GUCY1A1: variants seen among roughly 807,000 people sequenced by gnomAD.
The protein encoded by GUCY1A1 is guanylate cyclase 1 soluble subunit alpha 1.
In GUCY1A1, 48 loss-of-function variants were observed where a neutral mutation model predicts 64.5. That is an observed-to-expected ratio of 0.74 (90% CI 0.59 to 0.95). GUCY1A1 has a LOEUF of 0.95. Ranked by LOEUF, GUCY1A1 falls within the 40% of genes least tolerant of loss-of-function variation. The pLI, the probability that GUCY1A1 is intolerant of heterozygous loss-of-function variation, is 0.00. For missense variants in GUCY1A1, 804 were observed against 825.3 expected (o/e 0.97, Z 0.32); for synonymous variants, 308 against 303.4 (o/e 1.02, Z -0.16).
chr4:155,670,067 T>A (rs893569388), intron 2 of GUCY1A1, among the ~76,000 whole-genome samples: 1 of 152,024 alleles, frequency 6.6e-6, no homozygotes, highest in African/African-American at 2.4e-5. Flanking sequence ...ATGGGAAAAA[T>A]TTTTGGAGGA....
At chr4:155,686,273 C>T (rs1045378454) in intron 2 of GUCY1A1, among the ~76,000 whole-genome samples, 3 of 152,020 alleles carry the variant, frequency 2.0e-5, no homozygotes, top group African/African-American at 7.3e-5. Flanking sequence ...TTCAGGAGTT[C>T]GTGACCAGCC....
intron 2 of GUCY1A1, among the ~76,000 whole-genome samples, chr4:155,682,037 A>G (rs1288403821): frequency 1.3e-5 from 2 of 152,116 alleles, no homozygotes; most frequent in Non-Finnish European, 1.5e-5. Flanking sequence ...GAGTCATTCT[A>G]TTCCTCAGAT....
rs904536083 is a variant in GUCY1A1 at position 155,731,519 on chromosome 4, T to G, written c.*1288T>G. Reference sequence around the variant, plus strand: ...TTCCGGAACTTCAACTTTTTCTTTTTGTTTTACATAAACATTTAAGCAGCT... The same window carrying G: ...TTCCGGAACTTCAACTTTTTCTTTTGGTTTTACATAAACATTTAAGCAGCT... On this transcript the variant is annotated 3_prime_UTR_variant, in exon 10 of 10. Transcript: ENST00000506455. The G allele has an allele frequency of 6.6e-5, 10 of 152,018 alleles. No individual in the cohort carries two copies. In the South Asian group the frequency reaches 2.1e-3, roughly 31 times the overall value. The allele number at this position is 152,018 out of a possible 1,614,324, so 9.4% of individuals were successfully genotyped here.
rs945708671 is a variant in GUCY1A1, at chr4:155,733,665, A to G, written c.*3434A>G. Among the ~76,000 whole-genome samples, 1 of 151,448 alleles carries G rather than the reference A, an allele frequency of 6.6e-6. No individual in the cohort carries two copies. Among genetic ancestry groups the G allele is most frequent in the Non-Finnish European group, 1.5e-5 (1 of 67,796 alleles). ...CACTTGTTCAAAATAGATTTTACAAAAGAAAAAAAAAAAAGAAGCAACATG... is the reference window on the plus strand; with the variant it reads ...CACTTGTTCAAAATAGATTTTACAAGAGAAAAAAAAAAAAGAAGCAACATG... On this transcript the variant is annotated 3_prime_UTR_variant, in exon 10 of 10. Transcript: ENST00000506455.
Position 155,731,991 on chromosome 4 carries a change from GT to G in GUCY1A1, c.*1762del, listed in dbSNP as rs2110813915. 6.8e-6 allele frequency: 1 copy of G among 146,470 alleles called. No homozygotes were observed. The highest frequency in any genetic ancestry group is 2.6e-5 in the African/African-American group (1 of 38,354). 9.1% of individuals were successfully genotyped at this position (146,470 alleles called of 1,614,324 possible). ...AGTTACATCCTCACAAATATATGAAGTTAAGTCACTACTTACAAGGAAAAAA... is the reference window on the plus strand; with the variant it reads ...AGTTACATCCTCACAAATATATGAAGTAAGTCACTACTTACAAGGAAAAAA... On this transcript the variant is annotated 3_prime_UTR_variant, in exon 10 of 10. Coordinates refer to ENST00000506455, the MANE Select transcript of GUCY1A1 (RefSeq NM_001130682.3).
At chr4:155,668,694 G>C (rs1279914326) in intron 2 of GUCY1A1, among the ~76,000 whole-genome samples, 1 of 152,066 alleles carries the variant, frequency 6.6e-6, no homozygotes, top group Admixed American at 6.6e-5. Context: ...TTCTTTAAGA[G>C]TGATCATTTC....
At chr4:155,718,303 C>G (rs1245945040) in intron 8 of GUCY1A1, among the ~76,000 whole-genome samples, 1 of 152,020 alleles carries the variant, frequency 6.6e-6, no homozygotes, top group Non-Finnish European at 1.5e-5. Flanking sequence ...GGAGATTTAC[C>G]CTTAACTCTC....
intron 4 of GUCY1A1, among the ~76,000 whole-genome samples, chr4:155,705,407 G>A (rs1178391157): frequency 1.3e-5 from 2 of 151,960 alleles, no homozygotes; most frequent in African/African-American, 4.8e-5. Flanking sequence ...AAATTAGCCA[G>A]GCATGGTGGC....
intron 9 of GUCY1A1, among the ~76,000 whole-genome samples, chr4:155,727,264 T>A (rs1214074029): frequency 6.6e-6 from 1 of 151,922 alleles, no homozygotes; most frequent in African/African-American, 2.4e-5. Context: ...CTAAATGGTT[T>A]TTCTTATATA....
chr4:155,718,573 A>G (rs1733560860), intron 8 of GUCY1A1, among the ~76,000 whole-genome samples: 2 of 152,194 alleles, frequency 1.3e-5, no homozygotes, highest in Non-Finnish European at 2.9e-5. Context: ...CTGGGATTGC[A>G]ACGATTGAAG....
At chr4:155,699,120 G>A (rs544710775) in intron 3 of GUCY1A1, among the ~76,000 whole-genome samples, 40 of 151,480 alleles carry the variant, frequency 2.6e-4, no homozygotes, top group African/African-American at 3.9e-4. Flanking sequence ...CTGATTTTTC[G>A]TGTCCCTTGT....
chr4:155,713,364 A>T lies in GUCY1A1; in HGVS notation c.1353A>T (p.Val451=), dbSNP rs745871748. ...TGGAGGAGGAGAAGAAAAAGACAGT[A>T]GACCTTCTGTGCTCCATATTTCCCT... The part of the protein sequence containing the change: ...QALEEEKKKT[V]DLLCSIFPCE... The change falls in exon 7 of 10, where the codon GTA becomes GTT. Residue 451 remains valine, a synonymous_variant. Coordinates refer to ENST00000506455, the MANE Select transcript of GUCY1A1 (RefSeq NM_001130682.3). 1.4e-5 allele frequency: 23 copies of T among 1,614,070 alleles called. No individual in the cohort carries two copies. Among genetic ancestry groups the T allele is most frequent in the Non-Finnish European group, 1.9e-5 (23 of 1,180,042 alleles).
In GUCY1A1 at chr4:155,730,026, T is replaced by G; in HGVS notation, c.1872-4T>G. ...ATGTCAGTATTATATTTTAATATTT[T>G]CAGATTACTCAAAGACTGTCCTGGT... On this transcript the variant is annotated splice_polypyrimidine_tract_variant and splice_region_variant and intron_variant, in intron 9 of 9. Coordinates refer to ENST00000506455, the MANE Select transcript of GUCY1A1 (RefSeq NM_001130682.3). 6.4e-7 allele frequency: 1 copy of G among 1,566,216 alleles called. No homozygotes were observed. The highest frequency in any genetic ancestry group is 8.8e-7 in the Non-Finnish European group (1 of 1,137,608).
At chr4:155,693,266 A>G (rs1729993196) in intron 2 of GUCY1A1, among the ~76,000 whole-genome samples, 2 of 152,188 alleles carry the variant, frequency 1.3e-5, no homozygotes, top group African/African-American at 4.8e-5. Flanking sequence ...TTAATTATCA[A>G]CTTTTGGAAT....
At chr4:155,677,385 C>T (rs1735101480) in intron 2 of GUCY1A1, among the ~76,000 whole-genome samples, 1 of 152,194 alleles carries the variant, frequency 6.6e-6, no homozygotes, top group African/African-American at 2.4e-5. Context: ...TGACACACTT[C>T]ATTATACAGT....
chr4:155,713,556 G>T lies in GUCY1A1; in HGVS notation c.1545G>T (p.Gln515His). The T allele has an allele frequency of 6.2e-7, 1 of 1,613,620 alleles. No homozygotes were observed. Among genetic ancestry groups the T allele is most frequent in the Non-Finnish European group, 8.5e-7 (1 of 1,179,610 alleles). ...MLNALYTRFDQQCGELDVYKV... is the reference protein window; with the variant it reads ...MLNALYTRFDHQCGELDVYKV... ...ATGCACTGTACACTCGCTTCGACCA[G>T]CAGTGTGGAGAGCTGGATGTCTACA... Residue 515 changes from glutamine (Q) to histidine (H), a missense_variant, in exon 7 of 10, where the codon CAG becomes CAT. Gln to His is a conservative substitution (Grantham distance 24). Coordinates refer to ENST00000506455, the MANE Select transcript of GUCY1A1 (RefSeq NM_001130682.3).
chr4:155,674,112 T>C (rs1025584130), intron 2 of GUCY1A1, among the ~76,000 whole-genome samples: 2 of 151,188 alleles, frequency 1.3e-5, no homozygotes, highest in Non-Finnish European at 2.9e-5. Flanking sequence ...TCCCAGCACT[T>C]TGGGAGGCCG....
At chr4:155,701,680 T>G (rs1731100120) in intron 3 of GUCY1A1, among the ~76,000 whole-genome samples, 2 of 152,010 alleles carry the variant, frequency 1.3e-5, no homozygotes, top group East Asian at 1.9e-4. Context: ...GGCTCATACT[T>G]GTAGTCCCAG....
At position 155,736,174 on chromosome 4, in the gene GUCY1A1, G is replaced by A. The variant is rs546730947; in HGVS notation, c.*5943G>A. ...ACAACAACTCTATAGACTGATACAT[G>A]CTGCTCTCAATCCATATACTACATA... On this transcript the variant is annotated 3_prime_UTR_variant, in exon 10 of 10. Coordinates refer to ENST00000506455, the MANE Select transcript of GUCY1A1 (RefSeq NM_001130682.3). The A allele has an allele frequency of 6.6e-6, 1 of 152,000 alleles. No individual in the cohort carries two copies. Among genetic ancestry groups the A allele is most frequent in the African/African-American group, 2.4e-5 (1 of 41,494 alleles). 9.4% of individuals were successfully genotyped at this position (152,000 alleles called of 1,614,324 possible). A position where few individuals can be genotyped will look rare whatever the true frequency, so the allele number is the denominator to read the frequency against.
Sources: gnomAD v4.1 joint callset for allele counts (sites outside exome capture counted in the v4.1 genomes callset) on GRCh38, gnomAD v4.1.1 for gene constraint, MANE v1.5 for transcripts, NCBI Gene and HGNC (gene_info 2026-07-23, HGNC 2026-07-21) for gene names.